DACH2: variants seen among roughly 807,000 people sequenced by gnomAD.
DACH2 encodes dachshund family transcription factor 2.
In DACH2, 17 loss-of-function variants were observed where a neutral mutation model predicts 35.8. That is an observed-to-expected ratio of 0.48 (90% CI 0.33 to 0.71). The LOEUF (loss-of-function observed/expected upper bound fraction) is 0.71. DACH2 is among the 30% of genes least tolerant of loss of function. The pLI, the probability that DACH2 is intolerant of heterozygous loss-of-function variation, is 0.02. For missense variants in DACH2, 469 were observed against 472.7 expected, an observed-to-expected ratio of 0.99 and a Z score of 0.07; for synonymous variants, 195 against 177.3, an observed-to-expected ratio of 1.10 and a Z score of -0.79.
chrX:86,541,290 C>T (rs6623700), intron 3 of DACH2, among the ~76,000 whole-genome samples: 50,674 of 110,020 alleles, frequency 0.46, 8,601 homozygotes, highest in Middle Eastern at 0.55. Flanking sequence ...CTTTACATCT[C>T]CAGAAAATAA....
intron 2 of DACH2, among the ~76,000 whole-genome samples, chrX:86,426,368 A>G (rs1003906481): frequency 2.7e-5 from 3 of 110,971 alleles, no homozygotes; most frequent in Non-Finnish European, 3.8e-5. Flanking sequence ...TCTACTTAAG[A>G]ACATACTATT....
intron 3 of DACH2, among the ~76,000 whole-genome samples, chrX:86,524,327 T>C (rs894861426): frequency 1.8e-5 from 2 of 112,243 alleles, no homozygotes; most frequent in African/African-American, 6.5e-5. Context: ...GAAGCTGTTT[T>C]ACAGTGTCTA....
intron 3 of DACH2, among the ~76,000 whole-genome samples, chrX:86,640,367 A>T (rs1039825969): frequency 2.4e-4 from 27 of 111,634 alleles, no homozygotes; most frequent in African/African-American, 8.8e-4. Flanking sequence ...AGCTACAGAC[A>T]CAAGGAGAGG....
chrX:86,521,428 A>G (rs2038553016), intron 3 of DACH2, among the ~76,000 whole-genome samples: 1 of 111,504 alleles, frequency 9.0e-6, no homozygotes, highest in Non-Finnish European at 1.9e-5. Context: ...TATTTCCTGA[A>G]TTTGACGGTT....
chrX:86,673,486 A>T (rs1215207888), intron 4 of DACH2, among the ~76,000 whole-genome samples: 1 of 111,069 alleles, frequency 9.0e-6, no homozygotes, highest in African/African-American at 3.3e-5. Flanking sequence ...TATTTATCCA[A>T]TGCCTGTACC....
chrX:86,465,589 G>A (rs1208789096), intron 2 of DACH2, among the ~76,000 whole-genome samples: 2 of 111,743 alleles, frequency 1.8e-5, no homozygotes, highest in Non-Finnish European at 3.8e-5. Flanking sequence ...AATGTCCTAC[G>A]TTGAGCCTTA....
chrX:86,203,469 CTTAT>C (rs1672768406), intron 1 of DACH2, among the ~76,000 whole-genome samples: 1 of 110,822 alleles, frequency 9.0e-6, no homozygotes, highest in Non-Finnish European at 1.9e-5. Flanking sequence ...CTCAAATTGA[CTTAT>C]TTATTTTTTA....
intron 7 of DACH2, among the ~76,000 whole-genome samples, chrX:86,785,136 T>C (rs2042124708): frequency 9.0e-6 from 1 of 110,951 alleles, no homozygotes; most frequent in South Asian, 3.9e-4. Context: ...AAATAAAAGG[T>C]TTTCAAAAAC....
At position 86,346,288 on chromosome X, in the gene DACH2, A is replaced by ATT. The variant is rs5902904; in HGVS notation, c.489-30525_489-30524dup. 5.1e-3 allele frequency among the ~76,000 whole-genome samples: 521 copies of ATT among 102,555 alleles called. 7 individuals are homozygous for ATT. Among genetic ancestry groups the ATT allele is most frequent in the African/African-American group, 0.013 (362 of 28,486 alleles). 89.1% of individuals were successfully genotyped at this position (102,555 alleles called of 115,157 possible). Reference sequence around the variant, plus strand: ...CAGAGTTTTCTTTGCTATGGGATACATTTTTTTTTTTTAGCAAAAACCAAA... The same window carrying ATT: ...CAGAGTTTTCTTTGCTATGGGATACATTTTTTTTTTTTTTAGCAAAAACCAAA... On this transcript the variant is annotated intron_variant, in intron 1 of 11. Transcript: ENST00000373125.
chrX:86,632,221 G>C (rs186321850), intron 3 of DACH2, among the ~76,000 whole-genome samples: 20 of 111,025 alleles, frequency 1.8e-4, no homozygotes, highest in Non-Finnish European at 3.6e-4. Flanking sequence ...CAGGCAAAAA[G>C]GCTTCATTAC....
chrX:86,757,181 A>G (rs1602905109), intron 7 of DACH2, among the ~76,000 whole-genome samples: 1 of 111,521 alleles, frequency 9.0e-6, no homozygotes, highest in South Asian at 3.7e-4. Flanking sequence ...AGTTGTACAT[A>G]TATATGAGCT....
At chrX:86,474,725 TTTTTG>T (rs2037814638) in intron 2 of DACH2, among the ~76,000 whole-genome samples, 1 of 111,742 alleles carries the variant, frequency 8.9e-6, no homozygotes, top group South Asian at 3.7e-4. Context: ...TCTGTTTGTT[TTTTTG>T]TTTTGTTTTG....
chrX:86,748,405 A>T (rs1012138473), intron 7 of DACH2, among the ~76,000 whole-genome samples: 3 of 112,181 alleles, frequency 2.7e-5, no homozygotes, highest in African/African-American at 9.7e-5. Context: ...TCAAACAATT[A>T]CTCCGTATTA....
intron 2 of DACH2, among the ~76,000 whole-genome samples, chrX:86,429,391 A>G (rs2036946134): frequency 9.0e-6 from 1 of 111,302 alleles, no homozygotes; most frequent in Non-Finnish European, 1.9e-5. Flanking sequence ...TGATATGGGA[A>G]AAGAAAAGCA....
chrX:86,753,523 G>A (rs1160055573), intron 7 of DACH2, among the ~76,000 whole-genome samples: 1 of 111,278 alleles, frequency 9.0e-6, no homozygotes, highest in Non-Finnish European at 1.9e-5. Context: ...AGTCTAGTTA[G>A]CATTTCATGT....
intron 6 of DACH2, among the ~76,000 whole-genome samples, chrX:86,727,769 C>T (rs1026365791): frequency 8.9e-6 from 1 of 111,758 alleles, no homozygotes; most frequent in Admixed American, 9.5e-5. Context: ...TGAGGCCTCC[C>T]CAAAGCAGAT....
chrX:86,237,265 C>CT (rs1391003285), intron 1 of DACH2, among the ~76,000 whole-genome samples: 5 of 111,199 alleles, frequency 4.5e-5, no homozygotes, highest in East Asian at 2.8e-4. Context: ...TTTACATTAA[C>CT]TTTTTTTTAA....
chrX:86,496,465 G>T (rs2038173477), intron 2 of DACH2, among the ~76,000 whole-genome samples: 1 of 110,640 alleles, frequency 9.0e-6, no homozygotes, highest in Admixed American at 9.7e-5. Context: ...CCAATTTTCA[G>T]TAACGGGGAG....
chrX:86,586,292 C>A (rs771600033), intron 3 of DACH2, among the ~76,000 whole-genome samples: 8 of 111,058 alleles, frequency 7.2e-5, no homozygotes, highest in Non-Finnish European at 1.3e-4. Flanking sequence ...TGCTTAAGTT[C>A]CTTAATGATT....
Sources: allele counts gnomAD v4.1 joint callset (sites outside exome capture counted in the v4.1 genomes callset), GRCh38; gene constraint gnomAD v4.1.1; transcripts MANE v1.5; gene names NCBI Gene and HGNC (gene_info 2026-07-23, HGNC 2026-07-21).